DENND1B: variants seen among roughly 807,000 people sequenced by gnomAD.
The protein encoded by DENND1B is DENN domain containing 1B.
DENND1B carries 59 observed loss-of-function variants against 90.1 expected under a neutral mutation model. That is an observed-to-expected ratio of 0.65 (90% CI 0.53 to 0.81). The LOEUF (loss-of-function observed/expected upper bound fraction) is 0.81, where lower values mean the gene tolerates loss of function less well. Among genes scored for constraint, DENND1B ranks in the 40% least tolerant of loss-of-function variants. The pLI, the probability that DENND1B is intolerant of heterozygous loss-of-function variation, is 0.00. For missense variants in DENND1B, 862 were observed against 912.6 expected (o/e 0.94, Z 0.71); for synonymous variants, 337 against 324.6 (o/e 1.04, Z -0.41).
At chr1:197,604,092 A>G (rs2125829985) in intron 13 of DENND1B, among the ~76,000 whole-genome samples, 1 of 151,468 alleles carries the variant, frequency 6.6e-6, no homozygotes, top group Admixed American at 6.6e-5. Flanking sequence ...ACAATATATT[A>G]ATAGACAAAA....
rs1233120038 is a variant in DENND1B, at chr1:197,645,701, T to C, written c.550A>G (p.Ile184Val). ...AATAGGAAACTTACACTCTCGGGTATTGTTGGGAGTCCAGTTACATCAGGG... is the reference window on the plus strand; with the variant it reads ...AATAGGAAACTTACACTCTCGGGTACTGTTGGGAGTCCAGTTACATCAGGG... ...IAPDVTGLPT[I>V]PESRNLTEYF... The change falls in exon 9 of 23, where the codon ATA (isoleucine) becomes GTA (valine). Residue 184 changes from isoleucine to valine, a missense_variant. Transcript: ENST00000620048. 2.6e-6 allele frequency: 4 copies of C among 1,562,550 alleles called. No homozygotes were observed. The Admixed American group carries it at 7.1e-5, about 28-fold the overall frequency.
intron 15 of DENND1B, among the ~76,000 whole-genome samples, chr1:197,555,157 T>A (rs1255014400): frequency 6.6e-6 from 1 of 151,970 alleles, no homozygotes; most frequent in Non-Finnish European, 1.5e-5. Flanking sequence ...GAGTCTTACA[T>A]CTCAAGATAT....
intron 2 of DENND1B, among the ~76,000 whole-genome samples, chr1:197,718,443 A>G (rs1032958467): frequency 6.6e-6 from 1 of 151,728 alleles, no homozygotes; most frequent in Non-Finnish European, 1.5e-5. Context: ...AAAAATCATT[A>G]AAGAAAATGT....
At chr1:197,769,191 T>C (rs1656095090) in intron 2 of DENND1B, among the ~76,000 whole-genome samples, 2 of 152,176 alleles carry the variant, frequency 1.3e-5, no homozygotes, top group African/African-American at 4.8e-5. Flanking sequence ...AAATTATATA[T>C]TCTAAAAGTT....
intron 2 of DENND1B, among the ~76,000 whole-genome samples, chr1:197,760,904 G>A (rs1427809694): frequency 3.9e-5 from 6 of 151,976 alleles, no homozygotes; most frequent in African/African-American, 7.2e-5. Flanking sequence ...ATATTTCCAC[G>A]TTTAGGGTAT....
intron 20 of DENND1B, among the ~76,000 whole-genome samples, chr1:197,521,770 A>T (rs1668793724): frequency 6.6e-6 from 1 of 152,066 alleles, no homozygotes; most frequent in Admixed American, 6.6e-5. Context: ...GAGTTAAAAG[A>T]CTTACCCATG....
chr1:197,611,265 A>C (rs1419242166), intron 12 of DENND1B, among the ~76,000 whole-genome samples: 2 of 150,936 alleles, frequency 1.3e-5, no homozygotes, highest in Non-Finnish European at 3.0e-5. Flanking sequence ...TGCTTATTTT[A>C]TTAGATGCTG....
At chr1:197,598,846 A>C (rs1262435382) in intron 13 of DENND1B, among the ~76,000 whole-genome samples, 1 of 151,876 alleles carries the variant, frequency 6.6e-6, no homozygotes, top group Non-Finnish European at 1.5e-5. Flanking sequence ...CACTCTGTAA[A>C]TACATTTTTT....
intron 2 of DENND1B, among the ~76,000 whole-genome samples, chr1:197,718,583 C>T (rs1461310233): frequency 2.0e-5 from 3 of 151,996 alleles, no homozygotes; most frequent in African/African-American, 7.2e-5. Context: ...AAACTTAATG[C>T]ATTTTTATGA....
At chr1:197,570,596 G>C (rs1673065231) in intron 15 of DENND1B, among the ~76,000 whole-genome samples, 1 of 152,116 alleles carries the variant, frequency 6.6e-6, no homozygotes, top group Non-Finnish European at 1.5e-5. Flanking sequence ...GGATGATCTT[G>C]AGGATTTTTA....
chr1:197,669,586 G>A (rs12117045), intron 5 of DENND1B, among the ~76,000 whole-genome samples: 29,535 of 151,916 alleles, frequency 0.19, 3,090 homozygotes, highest in Middle Eastern at 0.33. Flanking sequence ...TGTTCTCAAA[G>A]AATCCCTTCA....
intron 15 of DENND1B, among the ~76,000 whole-genome samples, chr1:197,566,975 A>C (rs1672727075): frequency 6.6e-6 from 1 of 152,120 alleles, no homozygotes. Flanking sequence ...ATAAAGACTA[A>C]TGACAGTAAA....
chr1:197,594,764 A>T (rs771096603), intron 14 of DENND1B, among the ~76,000 whole-genome samples: 3 of 152,152 alleles, frequency 2.0e-5, no homozygotes, highest in African/African-American at 7.2e-5. Flanking sequence ...TAGGAAGACA[A>T]CAAATTTCCA....
chr1:197,768,184 C>A (rs1489349214), intron 2 of DENND1B, among the ~76,000 whole-genome samples: 5 of 151,686 alleles, frequency 3.3e-5, no homozygotes, highest in Non-Finnish European at 7.4e-5. Flanking sequence ...TCCTCCTCCT[C>A]GTCCTCCTCC....
intron 20 of DENND1B, among the ~76,000 whole-genome samples, chr1:197,527,045 T>C (rs1190568205): frequency 2.6e-5 from 4 of 152,302 alleles, no homozygotes; most frequent in African/African-American, 7.2e-5. Context: ...ATTAATATTA[T>C]TTCAACAGAG....
chr1:197,619,544 G>T (rs1486029203), intron 10 of DENND1B, among the ~76,000 whole-genome samples: 1 of 151,146 alleles, frequency 6.6e-6, no homozygotes, highest in East Asian at 2.0e-4. Context: ...AAGAGAGAGT[G>T]TTCTTTTTTT....
chr1:197,647,189 T>C (rs1680797432), intron 7 of DENND1B, 75 bp from the exon 8 acceptor site: 4 of 1,053,416 alleles, frequency 3.8e-6, no homozygotes, highest in Middle Eastern at 3.3e-4. Context: ...TGCTGTGTAA[T>C]TGAGACAAAC....
At chr1:197,551,306 T>C (rs1433417258) in intron 16 of DENND1B, among the ~76,000 whole-genome samples, 1 of 152,142 alleles carries the variant, frequency 6.6e-6, no homozygotes, top group East Asian at 1.9e-4. Context: ...TAACGGACTT[T>C]CTTGCTGTAC....
chr1:197,540,919 A>C, intron 19 of DENND1B, 40 bp downstream of exon 19: 2 of 1,569,140 alleles, frequency 1.3e-6, no homozygotes, highest in Non-Finnish European at 1.7e-6. Context: ...AAACTAATAC[A>C]AGAATCAAGG....
Sources: allele counts gnomAD v4.1 joint callset (sites outside exome capture counted in the v4.1 genomes callset), GRCh38; gene constraint gnomAD v4.1.1; transcripts MANE v1.5; gene names NCBI Gene and HGNC (gene_info 2026-07-23, HGNC 2026-07-21).